The following RBFOX1 variants were observed in gnomAD, a reference collection of about 807,000 sequenced individuals.
RBFOX1 encodes the protein RNA binding fox-1 homolog 1.
Under a neutral mutation model 57.7 loss-of-function variants are expected in RBFOX1, and 8 were observed. The ratio of observed to expected loss-of-function variants is 0.14; its 90% CI spans 0.08 to 0.25. The LOEUF (loss-of-function observed/expected upper bound fraction) is 0.25. RBFOX1 is among the 10% of genes least tolerant of loss of function. RBFOX1 has a pLI of 1.00. For missense variants in RBFOX1, 611 were observed against 548.5 expected (o/e 1.11, Z -1.14); for synonymous variants, 326 against 222.4 (o/e 1.47, Z -4.15).
intron 3 of RBFOX1, among the ~76,000 whole-genome samples, chr16:6,695,137 T>A (rs1453909983): frequency 6.6e-6 from 1 of 151,820 alleles, no homozygotes; most frequent in Admixed American, 6.6e-5. Flanking sequence ...AAAAAAACAA[T>A]GGCCGGGCGC....
At chr16:6,867,136 C>G (rs1036995432) in intron 3 of RBFOX1, among the ~76,000 whole-genome samples, 1 of 152,008 alleles carries the variant, frequency 6.6e-6, no homozygotes, top group Non-Finnish European at 1.5e-5. Flanking sequence ...CAGGTTTTAG[C>G]TTGGAGATGT....
In RBFOX1 at chr16:7,434,736, A is replaced by AT. The variant is rs71147698; in HGVS notation, c.28-83397dup. 1.6e-3 allele frequency among the ~76,000 whole-genome samples: 241 copies of AT among 148,044 alleles called. 3 individuals carry two copies. In the South Asian group the frequency reaches 0.033, roughly 20 times the overall value. The stretch of plus-strand genomic sequence containing the variant: ...GCGTCTAGTTTGCCCTCTTGTTAAC[A>AT]TTTTTTTTTTTTTTCTTTCCTGAGA... On this transcript the variant is annotated intron_variant, in intron 4 of 15. Coordinates refer to ENST00000550418, the MANE Select transcript of RBFOX1 (RefSeq NM_018723.4).
At chr16:5,864,009 A>G (rs1277426593) in intron 3 of RBFOX1, among the ~76,000 whole-genome samples, 1 of 152,180 alleles carries the variant, frequency 6.6e-6, no homozygotes, top group East Asian at 1.9e-4. Context: ...TCCCCCAGGT[A>G]TTAAGCCTAG....
At chr16:6,712,906 T>C (rs1318377068) in intron 3 of RBFOX1, among the ~76,000 whole-genome samples, 1 of 105,588 alleles carries the variant, frequency 9.5e-6, no homozygotes, top group African/African-American at 3.1e-5. Flanking sequence ...TTTTTTTTTT[T>C]TTCCTGTGCT....
intron 1 of RBFOX1, among the ~76,000 whole-genome samples, chr16:6,309,127 C>A (rs1025135515): frequency 1.3e-5 from 2 of 152,054 alleles, no homozygotes; most frequent in Non-Finnish European, 2.9e-5. Flanking sequence ...AATTCAATGG[C>A]CTGTCTTATG....
intron 2 of RBFOX1, among the ~76,000 whole-genome samples, chr16:6,384,450 A>AT (rs1013098875): frequency 1.6e-4 from 25 of 151,632 alleles, no homozygotes; most frequent in Non-Finnish European, 4.4e-5. Flanking sequence ...TCTATCTTTC[A>AT]TTTTTTTTCC....
chr16:7,531,481 G>A (rs2152379251), intron 5 of RBFOX1, among the ~76,000 whole-genome samples: 1 of 152,258 alleles, frequency 6.6e-6, no homozygotes, highest in Admixed American at 6.5e-5. Context: ...AGAACATAGA[G>A]AAATCAAGGA....
intron 2 of RBFOX1, among the ~76,000 whole-genome samples, chr16:6,598,685 C>T (rs1314792029): frequency 2.6e-5 from 4 of 152,256 alleles, no homozygotes; most frequent in African/African-American, 9.6e-5. Flanking sequence ...TGGTGGCTCA[C>T]GTCTGTAATC....
At chr16:6,929,855 C>T (rs1206182070) in intron 3 of RBFOX1, among the ~76,000 whole-genome samples, 1 of 152,060 alleles carries the variant, frequency 6.6e-6, no homozygotes, top group Non-Finnish European at 1.5e-5. Flanking sequence ...CTCTTTTCAT[C>T]CTGACCTACA....
chr16:6,908,725 C>T (rs1017400562), intron 3 of RBFOX1, among the ~76,000 whole-genome samples: 3 of 152,138 alleles, frequency 2.0e-5, no homozygotes, highest in Non-Finnish European at 4.4e-5. Flanking sequence ...AATGCCTTGT[C>T]CTCAATCCTT....
intron 4 of RBFOX1, among the ~76,000 whole-genome samples, chr16:7,332,370 A>C (rs73563862): frequency 0.035 from 5,285 of 152,336 alleles, 199 homozygotes; most frequent in African/African-American, 0.091. Flanking sequence ...GCTGGCTGGT[A>C]GTTTTATCTT....
At chr16:6,556,994 TAC>T (rs1567671305) in intron 2 of RBFOX1, among the ~76,000 whole-genome samples, 3 of 42,796 alleles carry the variant, frequency 7.0e-5, no homozygotes, top group Non-Finnish European at 2.3e-4. Context: ...TATATATACA[TAC>T]ATATATATAC....
intron 3 of RBFOX1, among the ~76,000 whole-genome samples, chr16:5,672,706 T>G (rs1395251309): frequency 1.0e-5 from 1 of 97,724 alleles, no homozygotes; most frequent in Non-Finnish European, 2.3e-5. Context: ...CTGGAGATAA[T>G]GATGTCAAGA....
intron 4 of RBFOX1, among the ~76,000 whole-genome samples, chr16:5,978,158 A>AAAAAAAAAAAAAAAAC: frequency 7.0e-6 from 1 of 143,372 alleles, no homozygotes; most frequent in East Asian, 2.0e-4. Context: ...AAAAAAAAAA[A>AAAAAAAAAAAAAAAAC]AAAGCAAGAG....
chr16:6,278,297 A>C, intron 1 of RBFOX1, among the ~76,000 whole-genome samples: 1 of 142,630 alleles, frequency 7.0e-6, no homozygotes, highest in African/African-American at 2.6e-5. Flanking sequence ...CTTCCTTTTA[A>C]GAATGATTCC....
intron 9 of RBFOX1, among the ~76,000 whole-genome samples, chr16:7,599,925 C>A (rs938180414): frequency 6.6e-6 from 1 of 152,166 alleles, no homozygotes; most frequent in South Asian, 2.1e-4. Flanking sequence ...GCATGAGCCA[C>A]CACTTCTGGC....
At position 7,528,327 on chromosome 16, in the gene RBFOX1, G is replaced by T. The variant is rs756903236; in HGVS notation, c.270+9938G>T. ...TTTACCCACTCAGGATGACTAAGCA[G>T]TCTCTATCTTTATTTTTGGTTAGGT... On this transcript the variant is annotated intron_variant, in intron 5 of 15. Transcript: ENST00000550418. Among the ~76,000 whole-genome samples the T allele has an allele frequency of 3.3e-5, 5 of 152,162 alleles. No individual in the cohort carries two copies. The East Asian group carries it at 7.7e-4, about 23-fold the overall frequency.
At chr16:5,425,818 C>T (rs1438672839) in intron 1 of RBFOX1, among the ~76,000 whole-genome samples, 5 of 152,212 alleles carry the variant, frequency 3.3e-5, no homozygotes, top group South Asian at 4.2e-4. Context: ...CTGGGCTTGG[C>T]GAGAGTTGGG....
At chr16:7,080,308 A>G (rs1004923208) in intron 4 of RBFOX1, among the ~76,000 whole-genome samples, 1 of 152,118 alleles carries the variant, frequency 6.6e-6, no homozygotes, top group Non-Finnish European at 1.5e-5. Context: ...GAACACTGGC[A>G]TAAATAGATT....
Sources: gnomAD v4.1 joint callset for allele counts (sites outside exome capture counted in the v4.1 genomes callset) on GRCh38, gnomAD v4.1.1 for gene constraint, MANE v1.5 for transcripts, NCBI Gene and HGNC (gene_info 2026-07-23, HGNC 2026-07-21) for gene names.